Variants in PHLDB1 observed in about 807,000 individuals in gnomAD.
PHLDB1 encodes pleckstrin homology like domain family B member 1.
A neutral mutation model predicts 139.3 loss-of-function variants in PHLDB1; 65 were observed. The ratio of observed to expected loss-of-function variants is 0.47; its 90% CI spans 0.38 to 0.57. The LOEUF (loss-of-function observed/expected upper bound fraction) is 0.57, where lower values mean the gene tolerates loss of function less well. Ranked by LOEUF, PHLDB1 falls within the 20% of genes least tolerant of loss-of-function variation. The pLI, the probability that PHLDB1 is intolerant of heterozygous loss-of-function variation, is 0.00. For synonymous variants in PHLDB1, 679 were observed against 734.5 expected (o/e 0.92, Z 1.22); for missense variants, 1,624 against 1,839.7 (o/e 0.88, Z 2.14).
chr11:118,635,186 A>G (rs1461634586), intron 9 of PHLDB1: 6 of 625,836 alleles, frequency 9.6e-6, no homozygotes, highest in Non-Finnish European at 1.7e-5. Context: ...GTTTGGAGGG[A>G]ACCGGGAAGG....
Position 118,645,957 on chromosome 11 carries a change from A to G in PHLDB1, c.3507+132A>G, listed in dbSNP as rs1385666410. On this transcript the variant is annotated intron_variant, in intron 17 of 22. Coordinates refer to ENST00000600882, the MANE Select transcript of PHLDB1 (RefSeq NM_001144758.3). The surrounding 1 kb of genome is among the most constrained non-coding windows in gnomAD (Gnocchi z 5.1). ...TTGCCACATTCCCTTGGGGTAGAAA[A>G]TGTTTTAAAAGGTTGTATTCTGGCC... 7.1e-6 allele frequency: 5 copies of G among 709,024 alleles called. No homozygotes were observed. Among genetic ancestry groups the G allele is most frequent in the East Asian group, 2.6e-5 (1 of 37,740 alleles). The allele number at this position is 709,024 out of a possible 1,614,324, so 43.9% of individuals were successfully genotyped here.
chr11:118,651,497 A>T (rs1468930944), intron 20 of PHLDB1: 1 of 151,964 alleles, frequency 6.6e-6, no homozygotes, highest in African/African-American at 2.4e-5. Flanking sequence ...TCAAAAAAAT[A>T]AATTAAAAGG....
At chr11:118,636,187 G>A (rs1430256657) in intron 10 of PHLDB1, among the ~76,000 whole-genome samples, 1 of 152,200 alleles carries the variant, frequency 6.6e-6, no homozygotes, top group Non-Finnish European at 1.5e-5. Flanking sequence ...TTGGGAAGAG[G>A]TGAGGGAGGG....
rs782245406 is a variant in PHLDB1 at position 118,628,340 on chromosome 11, C to T, written c.1517C>T (p.Ser506Phe). 1.9e-6 allele frequency: 3 copies of T among 1,612,484 alleles called. No individual in the cohort carries two copies. Among genetic ancestry groups the T allele is most frequent in the South Asian group, 1.1e-5 (1 of 90,984 alleles). The change falls in exon 6 of 23, where the codon TCC becomes TTC. Residue 506 changes from serine (S) to phenylalanine (F), a missense_variant. Physicochemically the swap from Ser to Phe is radical, Grantham distance 155. Transcript: ENST00000600882. The part of the protein sequence containing the change: ...AAHGASPEDF[S>F]LTLGARGRRT... ...CATGGGGCTTCACCAGAGGACTTCTCCCTGACGCTGGGGGCACGGGGCCGT... is the reference window on the plus strand; with the variant it reads ...CATGGGGCTTCACCAGAGGACTTCTTCCTGACGCTGGGGGCACGGGGCCGT...
Position 118,645,634 on chromosome 11 carries a change from C to G in PHLDB1, c.3400C>G (p.Pro1134Ala). 2 of 1,613,192 alleles carry G rather than the reference C, an allele frequency of 1.2e-6. No homozygotes were observed. The highest frequency in any genetic ancestry group is 1.7e-6 in the Non-Finnish European group (2 of 1,179,326). Residue 1134 changes from proline (P) to alanine (A), a missense_variant, in exon 16 of 23, where the codon CCT becomes GCT. By Grantham distance (27) the Pro-to-Ala change is conservative. Transcript: ENST00000600882. The surrounding 1 kb of genome is among the most constrained non-coding windows in gnomAD (Gnocchi z 5.1). ...CACCGGGGGCAACTCGGCCTGCTCC[C>G]CTGACAACATGTCCAGGTACACCCG... ...ISTGGNSACS[P>A]DNMSSASGLD...
rs1555127644 is a variant in PHLDB1, at chr11:118,645,810, G to A, written c.3492G>A (p.Arg1164=). 9 of 1,611,348 alleles carry A rather than the reference G, an allele frequency of 5.6e-6. No homozygotes were observed. The East Asian group carries it at 2.0e-4, about 36-fold the overall frequency. Residue 1164 remains arginine, a synonymous_variant, in exon 17 of 23, where the codon CGG becomes CGA. Transcript: ENST00000600882. This position sits in a 1 kb window ranked among gnomAD's most constrained non-coding sequence, Gnocchi z 5.1. ...MLKEAHAEKN[R]LMESREREME... ...AAGAGGCTCATGCAGAGAAGAACCG[G>A]CTCATGGAGTCGAGGGTGAGTCTGA...
At chr11:118,637,175 A>G (rs1305577733) in intron 10 of PHLDB1, 1 of 152,172 alleles carries the variant, frequency 6.6e-6, no homozygotes, top group East Asian at 1.9e-4. Flanking sequence ...TAGCTCCTAA[A>G]TATGTTGGTG....
chr11:118,642,425 A>G, intron 13 of PHLDB1, 31 bp downstream of exon 13: 1 of 1,598,126 alleles, frequency 6.3e-7, no homozygotes, highest in Non-Finnish European at 8.5e-7. Context: ...CGTCCTCCCC[A>G]GCCTTTGCAC....
At position 118,610,372 on chromosome 11, in the gene PHLDB1, G is replaced by C. The variant is rs1411598325; in HGVS notation, c.-22+2673G>C. 9 of 822,632 alleles carry C rather than the reference G, an allele frequency of 1.1e-5. No homozygotes were observed. The East Asian group carries it at 9.9e-4, about 91-fold the overall frequency. 51.0% of individuals were successfully genotyped at this position (822,632 alleles called of 1,614,324 possible). A position where few individuals can be genotyped will look rare whatever the true frequency, so the allele number is the denominator to read the frequency against. On this transcript the variant is annotated intron_variant, in intron 1 of 22. Transcript: ENST00000600882. This position sits in a 1 kb window ranked among gnomAD's most constrained non-coding sequence, Gnocchi z 8.7. The stretch of plus-strand genomic sequence containing the variant: ...CCCGCCTCAGTTTCCTTCCCTTCCT[G>C]ACTCCTTCCTCTGACGGCGGCCCTT...
chr11:118,657,012 G>A lies in PHLDB1; in HGVS notation c.*189G>A. On this transcript the variant is annotated 3_prime_UTR_variant, in exon 23 of 23. Transcript: ENST00000600882. ...ACTTGCAGTAACCCTTTAGGGTCCTGCCCCAGGCCCAGCCAGGGCTGAGGA... is the reference window on the plus strand; with the variant it reads ...ACTTGCAGTAACCCTTTAGGGTCCTACCCCAGGCCCAGCCAGGGCTGAGGA... 1.9e-6 allele frequency: 1 copy of A among 525,186 alleles called. No individual in the cohort carries two copies. Among genetic ancestry groups the A allele is most frequent in the Non-Finnish European group, 3.4e-6 (1 of 296,758 alleles). 32.5% of individuals were successfully genotyped at this position (525,186 alleles called of 1,614,324 possible). A position where few individuals can be genotyped will look rare whatever the true frequency, so the allele number is the denominator to read the frequency against.
At chr11:118,643,387 C>A in intron 13 of PHLDB1, 2 of 295,726 alleles carry the variant, frequency 6.8e-6, no homozygotes, top group Non-Finnish European at 1.0e-5. Flanking sequence ...TCTAGTCCTA[C>A]CCCCTTCTTT....
In PHLDB1 at chr11:118,650,565, C is replaced by T; in HGVS notation, c.3874+18C>T. 2 of 1,545,356 alleles carry T rather than the reference C, an allele frequency of 1.3e-6. No homozygotes were observed. The highest frequency in any genetic ancestry group is 1.8e-6 in the Non-Finnish European group (2 of 1,117,306). Reference sequence around the variant, plus strand: ...TTATGTGGGTGAGTTCCCACAAGGCCACCCTGGGGGCCAGCCAGGATCCCT... The same window carrying T: ...TTATGTGGGTGAGTTCCCACAAGGCTACCCTGGGGGCCAGCCAGGATCCCT... On this transcript the variant is annotated intron_variant, in intron 20 of 22. Transcript: ENST00000600882. This position sits in a 1 kb window ranked among gnomAD's most constrained non-coding sequence, Gnocchi z 4.7.
At position 118,620,988 on chromosome 11, in the gene PHLDB1, C is replaced by T. The variant is rs148742688; in HGVS notation, c.356-3946C>T. ...GTTGACTTTCTGTAGATAAGGAAGC[C>T]GAGGCCAGAGGGTGTGACTGGCCCA... is the stretch of plus-strand genomic sequence containing the variant. On this transcript the variant is annotated intron_variant, in intron 4 of 22. Transcript: ENST00000600882. This position sits in a 1 kb window ranked among gnomAD's most constrained non-coding sequence, Gnocchi z 4.1. Among the ~76,000 whole-genome samples the T allele has an allele frequency of 1.6e-4, 25 of 152,210 alleles. No individual in the cohort carries two copies. Among genetic ancestry groups the T allele is most frequent in the African/African-American group, 4.8e-4 (20 of 41,512 alleles).
intron 10 of PHLDB1, 70 bp downstream of exon 10, chr11:118,635,618 T>C: frequency 1.5e-6 from 2 of 1,328,072 alleles, no homozygotes; most frequent in Non-Finnish European, 2.0e-6. Context: ...CCCAATGACC[T>C]CACAAAAGTT....
Position 118,610,561 on chromosome 11 carries a change from G to A in PHLDB1, c.-22+2862G>A. The A allele has an allele frequency of 2.4e-6, 2 of 845,802 alleles. No individual in the cohort carries two copies. Among genetic ancestry groups the A allele is most frequent in the Non-Finnish European group, 2.8e-6 (2 of 702,034 alleles). 52.4% of individuals were successfully genotyped at this position (845,802 alleles called of 1,614,324 possible). On this transcript the variant is annotated intron_variant, in intron 1 of 22. Coordinates refer to ENST00000600882, the MANE Select transcript of PHLDB1 (RefSeq NM_001144758.3). This position sits in a 1 kb window ranked among gnomAD's most constrained non-coding sequence, Gnocchi z 8.7. Reference sequence around the variant, plus strand: ...GGCGACCCGCGGGGCTCCGGGGAGCGCCCGAGCAGTGGCCCCGCGAAGGGC... The same window carrying A: ...GGCGACCCGCGGGGCTCCGGGGAGCACCCGAGCAGTGGCCCCGCGAAGGGC...
rs12287348 is a variant in PHLDB1 at position 118,608,595 on chromosome 11, G to A, written c.-22+896G>A. Among the ~76,000 whole-genome samples the A allele has an allele frequency of 2.6e-5, 4 of 152,110 alleles. 1 individual carries two copies. The highest frequency in any genetic ancestry group is 2.0e-4 in the Admixed American group (3 of 15,286). On this transcript the variant is annotated intron_variant, in intron 1 of 22. Coordinates refer to ENST00000600882, the MANE Select transcript of PHLDB1 (RefSeq NM_001144758.3). This position sits in a 1 kb window ranked among gnomAD's most constrained non-coding sequence, Gnocchi z 6.7. ...CTGCATTCTGGGCCGTTAGCTCAGCGGTCCTGGAGCCTCCCGAGGCTGACT... is the reference window on the plus strand; with the variant it reads ...CTGCATTCTGGGCCGTTAGCTCAGCAGTCCTGGAGCCTCCCGAGGCTGACT...
chr11:118,630,501 C>A (rs1944621353), intron 6 of PHLDB1, among the ~76,000 whole-genome samples: 1 of 152,210 alleles, frequency 6.6e-6, no homozygotes, highest in Non-Finnish European at 1.5e-5. Flanking sequence ...TGGTCTACCT[C>A]TTCTCCATGT....
intron 2 of PHLDB1, 70 bp from the exon 3 acceptor site, chr11:118,614,489 G>GGT: frequency 6.4e-7 from 1 of 1,565,596 alleles, no homozygotes. Flanking sequence ...AGAGAGTGCT[G>GGT]GTGTGACTGG....
chr11:118,631,942 G>C lies in PHLDB1; in HGVS notation c.2130G>C (p.Gln710His). 1 of 1,614,002 alleles carries C rather than the reference G, an allele frequency of 6.2e-7. No homozygotes were observed. Among genetic ancestry groups the C allele is most frequent in the Non-Finnish European group, 8.5e-7 (1 of 1,179,950 alleles). Residue 710 changes from glutamine to histidine, a missense_variant, in exon 8 of 23, where the codon CAG (glutamine) becomes CAC (histidine). By Grantham distance (24) the Gln-to-His change is conservative (BLOSUM62 0). Coordinates refer to ENST00000600882, the MANE Select transcript of PHLDB1 (RefSeq NM_001144758.3). The stretch of plus-strand genomic sequence containing the variant: ...AAGATGCACCTAGCACCAAGCTCCA[G>C]GGAGAGGTGCTAGCCCTGGAAGAAG... ...EHEDAPSTKL[Q>H]GEVLALEEER... is the part of the protein sequence containing the mutation.
Sources: allele counts gnomAD v4.1 joint callset (sites outside exome capture counted in the v4.1 genomes callset), GRCh38; gene constraint gnomAD v4.1.1; non-coding constraint Gnocchi (gnomAD v3.1); transcripts MANE v1.5; gene names NCBI Gene and HGNC (gene_info 2026-07-23, HGNC 2026-07-21).